Variants in THRA observed in about 807,000 individuals in gnomAD.
The protein encoded by THRA is thyroid hormone receptor alpha.
In THRA, 13 loss-of-function variants were observed where a neutral mutation model predicts 45.0. The observed-to-expected ratio is 0.29, with a 90% CI of 0.19 to 0.46. The LOEUF (loss-of-function observed/expected upper bound fraction) is 0.46. Among genes scored for constraint, THRA ranks in the 20% least tolerant of loss-of-function variants. The pLI is 1.00. For synonymous variants in THRA, 195 were observed against 214.0 expected (o/e 0.91, Z 0.78); for missense variants, 278 against 556.1 (o/e 0.50, Z 5.03).
chr17:40,076,204 T>C (rs1173343264), intron 2 of THRA, among the ~76,000 whole-genome samples: 1 of 152,212 alleles, frequency 6.6e-6, no homozygotes, highest in Non-Finnish European at 1.5e-5. Context: ...TTTGCTGCTC[T>C]GTTAAATGGA....
chr17:40,084,308 C>T (rs1987246964), intron 5 of THRA: 1 of 507,254 alleles, frequency 2.0e-6, no homozygotes, highest in South Asian at 2.4e-5. Flanking sequence ...CTAGATGAGA[C>T]AGGGCATCTT....
intron 4 of THRA, among the ~76,000 whole-genome samples, chr17:40,083,459 C>T (rs933660040): frequency 4.0e-5 from 6 of 149,928 alleles, no homozygotes; most frequent in Admixed American, 6.6e-5. Flanking sequence ...TTGATCTGCC[C>T]ACCTCGGCCT....
At chr17:40,067,803 A>G (rs180760493) in intron 1 of THRA, among the ~76,000 whole-genome samples, 25 of 152,286 alleles carry the variant, frequency 1.6e-4, no homozygotes, top group African/African-American at 6.0e-4. Flanking sequence ...GGATCACTTG[A>G]GGCCAGTAGT....
At chr17:40,064,669 C>T (rs1986489259) in intron 1 of THRA, among the ~76,000 whole-genome samples, 1 of 152,224 alleles carries the variant, frequency 6.6e-6, no homozygotes, top group Non-Finnish European at 1.5e-5. Flanking sequence ...GTCTCTATCG[C>T]TTGAGATACC....
At chr17:40,082,207 C>CTTTTT (rs770974952) in intron 4 of THRA, among the ~76,000 whole-genome samples, 9 of 78,776 alleles carry the variant, frequency 1.1e-4, no homozygotes, top group African/African-American at 2.0e-4. Flanking sequence ...CTTGGATTTC[C>CTTTTT]TTTTTTTTTT....
Position 40,091,335 on chromosome 17 carries a change from C to T in THRA, c.*1879C>T, listed in dbSNP as rs558320970. 4 of 153,108 alleles carry T rather than the reference C, an allele frequency of 2.6e-5. No homozygotes were observed. The highest frequency in any genetic ancestry group is 7.2e-5 in the African/African-American group (3 of 41,494). 9.5% of individuals were successfully genotyped at this position (153,108 alleles called of 1,614,324 possible). A position where few individuals can be genotyped will look rare whatever the true frequency, so the allele number is the denominator to read the frequency against. On this transcript the variant is annotated 3_prime_UTR_variant, in exon 9 of 9. Coordinates refer to ENST00000450525, the MANE Select transcript of THRA (RefSeq NM_199334.5). ...TGCCCGTCAGGGCACTGTCCTTCCC[C>T]AATCGTTCAGGTGTTCCAACAGGGG...
At chr17:40,077,205 G>C (rs1986985572) in intron 3 of THRA, among the ~76,000 whole-genome samples, 1 of 152,178 alleles carries the variant, frequency 6.6e-6, no homozygotes, top group South Asian at 2.1e-4. Context: ...TGAGCTGAAG[G>C]ACTGAGGGGC....
chr17:40,086,428 G>A (rs994228946), intron 6 of THRA, among the ~76,000 whole-genome samples: 5 of 152,162 alleles, frequency 3.3e-5, no homozygotes, highest in East Asian at 1.9e-4. Context: ...GATGAAATAA[G>A]ACATGTAAAA....
At position 40,088,542 on chromosome 17, in the gene THRA, G is replaced by A. The variant is rs777320324; in HGVS notation, c.982+42G>A. Reference sequence around the variant, plus strand: ...CGGGAGGGCTCAGAAGCTTCCAGGGGTCCCAGAGATTGGCTGGACCCTGGG... The same window carrying A: ...CGGGAGGGCTCAGAAGCTTCCAGGGATCCCAGAGATTGGCTGGACCCTGGG... On this transcript the variant is annotated intron_variant, in intron 8 of 8. Transcript: ENST00000450525. 20 of 1,573,402 alleles carry A rather than the reference G, an allele frequency of 1.3e-5. No individual in the cohort carries two copies. In the East Asian group the frequency reaches 3.8e-4, roughly 30 times the overall value.
intron 1 of THRA, among the ~76,000 whole-genome samples, chr17:40,067,254 C>T (rs1398539833): frequency 1.3e-5 from 2 of 152,164 alleles, no homozygotes; most frequent in Non-Finnish European, 1.5e-5. Flanking sequence ...TGGGACACAC[C>T]CCACCAGCTA....
intron 1 of THRA, among the ~76,000 whole-genome samples, chr17:40,073,101 C>G (rs1164442651): frequency 2.0e-5 from 3 of 152,214 alleles, no homozygotes; most frequent in African/African-American, 7.2e-5. Context: ...CTTATCAGCT[C>G]CTGGGGGTGG....
At chr17:40,086,629 C>T in intron 6 of THRA, 78 bp from the exon 7 acceptor site, 6 of 1,555,540 alleles carry the variant, frequency 3.9e-6, no homozygotes, top group Non-Finnish European at 4.4e-6. Context: ...CCTTGGAGCT[C>T]CCCCTGGTGG....
At chr17:40,080,236 C>T (rs190812082) in intron 4 of THRA, among the ~76,000 whole-genome samples, 111 of 152,012 alleles carry the variant, frequency 7.3e-4, no homozygotes, top group African/African-American at 2.5e-3. Flanking sequence ...CCTGTCCATA[C>T]AAAAAAATTT....
intron 2 of THRA, among the ~76,000 whole-genome samples, 179 bp from the exon 3 acceptor site, chr17:40,076,692 T>G (rs1986965883): frequency 6.6e-6 from 1 of 152,142 alleles, no homozygotes; most frequent in South Asian, 2.1e-4. Context: ...CTCTCTCCCC[T>G]GCAACTTCCA....
intron 4 of THRA, among the ~76,000 whole-genome samples, chr17:40,078,254 G>A (rs539533028): frequency 1.3e-5 from 2 of 152,306 alleles, no homozygotes; most frequent in East Asian, 1.9e-4. Flanking sequence ...AGGCCAAGGC[G>A]GGAGCATCCC....
At chr17:40,080,158 A>G (rs1987088347) in intron 4 of THRA, among the ~76,000 whole-genome samples, 1 of 152,122 alleles carries the variant, frequency 6.6e-6, no homozygotes, top group African/African-American at 2.4e-5. Flanking sequence ...CAAACACTTT[A>G]GGAGGCCAAG....
chr17:40,084,077 A>C, intron 5 of THRA, 95 bp downstream of exon 5: 1 of 1,431,902 alleles, frequency 7.0e-7, no homozygotes, highest in Non-Finnish European at 9.4e-7. Context: ...CTCAGAGCCC[A>C]CAGGGCAGAG....
At position 40,075,582 on chromosome 17, in the gene THRA, G is replaced by T. The variant is rs547213612; in HGVS notation, c.53+1041G>T. On this transcript the variant is annotated intron_variant, in intron 2 of 8. Coordinates refer to ENST00000450525, the MANE Select transcript of THRA (RefSeq NM_199334.5). ...TGTCTCCCAGCTTAGGCTTCTGTGG[G>T]TCTGGAAGAGTCTGTGCTTAATGTT... Among the ~76,000 whole-genome samples the T allele has an allele frequency of 2.6e-5, 4 of 152,368 alleles. No homozygotes were observed. In the South Asian group the frequency reaches 8.3e-4, roughly 32 times the overall value.
Position 40,090,117 on chromosome 17 carries a change from C to T in THRA, c.*661C>T. On this transcript the variant is annotated 3_prime_UTR_variant, in exon 9 of 9. Coordinates refer to ENST00000450525, the MANE Select transcript of THRA (RefSeq NM_199334.5). The stretch of plus-strand genomic sequence containing the variant: ...AACTGAGGCTGACCAGAGGGGAGGA[C>T]CCCCCCTTTACCACCCCATGCACTT... The T allele has an allele frequency of 3.6e-6, 3 of 827,676 alleles. No homozygotes were observed. The highest frequency in any genetic ancestry group is 4.4e-6 in the Non-Finnish European group (3 of 686,384). 51.3% of individuals were successfully genotyped at this position (827,676 alleles called of 1,614,324 possible).
Sources: allele counts gnomAD v4.1 joint callset (sites outside exome capture counted in the v4.1 genomes callset), GRCh38; gene constraint gnomAD v4.1.1; transcripts MANE v1.5; gene names NCBI Gene and HGNC (gene_info 2026-07-23, HGNC 2026-07-21).